The following ZNF320 variants were observed in gnomAD, a reference collection of about 807,000 sequenced individuals.
The protein encoded by ZNF320 is zinc finger gene 320.
A neutral mutation model predicts 6.8 loss-of-function variants in ZNF320; 2 were observed. The observed-to-expected ratio is 0.29, with a 90% CI of 0.12 to 0.93. ZNF320 has a LOEUF of 0.93. ZNF320 is among the 40% of genes least tolerant of loss of function. The pLI is 0.55. For synonymous variants in ZNF320, 208 were observed against 203.2 expected, an observed-to-expected ratio of 1.02 and a Z score of -0.20; for missense variants, 472 against 611.0, an observed-to-expected ratio of 0.77 and a Z score of 2.40.
chr19:52,897,000 C>G (rs1018474620), intron 1 of ZNF320, among the ~76,000 whole-genome samples: 6 of 152,206 alleles, frequency 3.9e-5, no homozygotes, highest in Admixed American at 1.3e-4. Context: ...TTTCGTTGGC[C>G]AAGGGCCAAA....
At chr19:52,887,087 T>A (rs533554276) in intron 5 of ZNF320, among the ~76,000 whole-genome samples, 11 of 152,078 alleles carry the variant, frequency 7.2e-5, no homozygotes, top group Non-Finnish European at 1.6e-4. Context: ...AAGAAAGATG[T>A]CCCTTCAGAG....
chr19:52,894,864 T>G (rs1333124651), intron 1 of ZNF320: 3 of 152,164 alleles, frequency 2.0e-5, no homozygotes, highest in African/African-American at 4.8e-5. Context: ...AGAGTGAGAC[T>G]CCTTCTCAAA....
At chr19:52,894,321 G>C (rs754272812) in intron 1 of ZNF320, 1 of 151,186 alleles carries the variant, frequency 6.6e-6, no homozygotes, top group African/African-American at 2.4e-5. Context: ...GAAGGCAGAG[G>C]TTGCAGTGAG....
exon 6 of ZNF320, among the ~76,000 whole-genome samples, chr19:52,863,193 C>CA (rs1201127618): frequency 1.3e-5 from 2 of 151,430 alleles, no homozygotes; most frequent in African/African-American, 2.4e-5. Context: ...CTCCTTACTG[C>CA]AAAAAAATGA....
Position 52,890,346 on chromosome 19 carries a change from G to C in ZNF320, c.-73-18C>G. On this transcript the variant is annotated intron_variant, in intron 3 of 5. Coordinates refer to ENST00000682928, the MANE Select transcript of ZNF320 (RefSeq NM_001351774.2). ...AGTCAATCCTAAATGTTAGAAATATGTTGTTTATCACTGAGAATCAACACA... is the reference window on the plus strand; with the variant it reads ...AGTCAATCCTAAATGTTAGAAATATCTTGTTTATCACTGAGAATCAACACA... The C allele has an allele frequency of 6.6e-7, 1 of 1,519,444 alleles. No homozygotes were observed. The allele number at this position is 1,519,444 out of a possible 1,614,324, so 94.1% of individuals were successfully genotyped here.
intron 4 of ZNF320, among the ~76,000 whole-genome samples, chr19:52,888,742 AC>A (rs1299845776): frequency 6.6e-6 from 1 of 152,220 alleles, no homozygotes; most frequent in Admixed American, 6.5e-5. Flanking sequence ...AGATGTTAAT[AC>A]AAAGGGTTGT....
intron 5 of ZNF320, among the ~76,000 whole-genome samples, chr19:52,887,013 A>AGGAAGGAAGGAAGGAAGGAAGGAAGG (rs1555821425): frequency 2.8e-5 from 4 of 143,246 alleles, no homozygotes; most frequent in African/African-American, 1.1e-4. Context: ...AAGGAAAAGA[A>AGGAAGGAAGGAAGGAAGGAAGGAAGG]AAAACAAAAC....
In ZNF320 at chr19:52,878,237, CTTTCTTTTTTTTTTTT is replaced by C. The variant is rs1850311020; in HGVS notation, c.*2343_*2358del. ...GGTCTGCCTGCCACTCTGTGCATCACTTTCTTTTTTTTTTTTTTTTTTTTTTTTTTGAGATGGAGTC... is the reference window on the plus strand; with the variant it reads ...GGTCTGCCTGCCACTCTGTGCATCACTTTTTTTTTTTTTTGAGATGGAGTC... On this transcript the variant is annotated 3_prime_UTR_variant, in exon 6 of 6. Coordinates refer to ENST00000682928, the MANE Select transcript of ZNF320 (RefSeq NM_001351774.2). 2.3e-5 allele frequency: 3 copies of C among 131,668 alleles called. No individual in the cohort carries two copies. The highest frequency in any genetic ancestry group is 5.8e-5 in the African/African-American group (2 of 34,194). 8.2% of individuals were successfully genotyped at this position (131,668 alleles called of 1,614,324 possible).
downstream of ZNF320, chr19:52,876,097 G>C (rs1248331573): frequency 6.6e-6 from 1 of 152,152 alleles, no homozygotes; most frequent in African/African-American, 2.4e-5. Flanking sequence ...TGGACCAGAG[G>C]AACTTGAGGG....
At chr19:52,862,706 G>C in exon 6 of ZNF320, 1 of 520,920 alleles carries the variant, frequency 1.9e-6, no homozygotes, top group South Asian at 1.8e-5. Context: ...AGTATGTTCT[G>C]CAAGGAGTGA....
chr19:52,869,112 G>A (rs1174346077), intron 5 of ZNF320, among the ~76,000 whole-genome samples: 8 of 152,016 alleles, frequency 5.3e-5, no homozygotes, highest in African/African-American at 1.9e-4. Flanking sequence ...ACCTCTGTGG[G>A]AATATAATTC....
chr19:52,897,836 G>C (rs1600667487), upstream of ZNF320: 2 of 152,520 alleles, frequency 1.3e-5, no homozygotes, highest in African/African-American at 4.8e-5. Context: ...AAGGGGCCTG[G>C]CTGGGAGAAG....
At chr19:52,896,318 T>A (rs1331196397) in intron 1 of ZNF320, among the ~76,000 whole-genome samples, 1 of 152,230 alleles carries the variant, frequency 6.6e-6, no homozygotes, top group Non-Finnish European at 1.5e-5. Flanking sequence ...CTCGAACTCC[T>A]GACCTCAGGT....
chr19:52,874,054 A>G (rs752810820), downstream of ZNF320: 1 of 431,092 alleles, frequency 2.3e-6, no homozygotes, highest in African/African-American at 2.1e-5. Context: ...CAAGTAACAT[A>G]AGTCTCTGGA....
exon 6 of ZNF320, chr19:52,862,254 T>C: frequency 1.5e-6 from 1 of 680,456 alleles, no homozygotes; most frequent in African/African-American, 1.8e-5. Context: ...TTTGCCACAC[T>C]CATTACACTT....
intron 3 of ZNF320, among the ~76,000 whole-genome samples, chr19:52,890,889 G>A (rs2064267465): frequency 1.3e-5 from 2 of 151,944 alleles, no homozygotes; most frequent in Admixed American, 6.6e-5. Context: ...GGTGGCTCAT[G>A]CCTGTAATAC....
chr19:52,870,641 C>A (rs1010203690), intron 5 of ZNF320, among the ~76,000 whole-genome samples: 1 of 152,030 alleles, frequency 6.6e-6, no homozygotes, highest in Non-Finnish European at 1.5e-5. Flanking sequence ...TGGTGCACAC[C>A]TCTAGTCCCA....
Position 52,877,451 on chromosome 19 carries a change from C to A in ZNF320, c.*3145G>T, listed in dbSNP as rs543425155. The A allele has an allele frequency of 6.6e-6, 1 of 152,230 alleles. No homozygotes were observed. The highest frequency in any genetic ancestry group is 2.4e-5 in the African/African-American group (1 of 41,540). 9.4% of individuals were successfully genotyped at this position (152,230 alleles called of 1,614,324 possible). A position where few individuals can be genotyped will look rare whatever the true frequency, so the allele number is the denominator to read the frequency against. ...CTTATGCCTTAGGCTGGCTCAGGGA[C>A]CCTGTATTTTTACATAAATAGGGCA... On this transcript the variant is annotated 3_prime_UTR_variant, in exon 6 of 6. Coordinates refer to ENST00000682928, the MANE Select transcript of ZNF320 (RefSeq NM_001351774.2).
Position 52,878,175 on chromosome 19 carries a change from C to A in ZNF320, c.*2421G>T. 1 of 204,414 alleles carries A rather than the reference C, an allele frequency of 4.9e-6. No individual in the cohort carries two copies. The highest frequency in any genetic ancestry group is 9.0e-5 in the South Asian group (1 of 11,138). The allele number at this position is 204,414 out of a possible 1,614,324, so 12.7% of individuals were successfully genotyped here. ...ATCCAGCTTGGCTCTTCTCCAGTGT[C>A]GTCTTTGACAGTTGTACCTATAAAA... On this transcript the variant is annotated 3_prime_UTR_variant, in exon 6 of 6. Transcript: ENST00000682928.
Sources: allele counts gnomAD v4.1 joint callset (sites outside exome capture counted in the v4.1 genomes callset), GRCh38; gene constraint gnomAD v4.1.1; transcripts MANE v1.5; gene names NCBI Gene and HGNC (gene_info 2026-07-23, HGNC 2026-07-21).